RORB: variants seen among roughly 807,000 people sequenced by gnomAD.
The protein encoded by RORB is nuclear receptor ROR-beta.
RORB carries 6 observed loss-of-function variants against 59.1 expected under a neutral mutation model. The ratio of observed to expected loss-of-function variants is 0.10; its 90% CI spans 0.06 to 0.20. The LOEUF is 0.20. Ranked by LOEUF, RORB falls within the 10% of genes least tolerant of loss-of-function variation. RORB has a pLI of 1.00. For missense variants in RORB, 320 were observed against 560.5 expected, an observed-to-expected ratio of 0.57 and a Z score of 4.33; for synonymous variants, 215 against 204.5, an observed-to-expected ratio of 1.05 and a Z score of -0.44.
intron 4 of RORB, among the ~76,000 whole-genome samples, chr9:74,648,628 A>G (rs1006994383): frequency 2.0e-5 from 3 of 152,198 alleles, no homozygotes; most frequent in African/African-American, 7.2e-5. Context: ...GCTTTCACTA[A>G]GTGAAATGAC....
chr9:74,513,940 A>C (rs1825976265), intron 1 of RORB, among the ~76,000 whole-genome samples: 1 of 152,110 alleles, frequency 6.6e-6, no homozygotes, highest in Non-Finnish European at 1.5e-5. Context: ...ATGCCGTAGG[A>C]TCCACAATTT....
At chr9:74,649,247 G>A (rs11791446) in intron 4 of RORB, among the ~76,000 whole-genome samples, 6,363 of 152,128 alleles carry the variant, frequency 0.042, 148 homozygotes, top group Non-Finnish European at 0.054. Flanking sequence ...CACCATGCCC[G>A]GCAGAAGATA....
Position 74,497,711 on chromosome 9 carries a change from A to G in RORB, c.-266A>G, listed in dbSNP as rs971388589. On this transcript the variant is annotated 5_prime_UTR_variant, in exon 1 of 10. Transcript: ENST00000376896. ...AACCCAGGCACCAGACAGCCAGAACATTTTTTTTTCACCCTTCCTGAAAAC... is the reference window on the plus strand; with the variant it reads ...AACCCAGGCACCAGACAGCCAGAACGTTTTTTTTTCACCCTTCCTGAAAAC... 2.0e-6 allele frequency: 1 copy of G among 497,642 alleles called. No individual in the cohort carries two copies. The highest frequency in any genetic ancestry group is 3.6e-6 in the Non-Finnish European group (1 of 278,800). 30.8% of individuals were successfully genotyped at this position (497,642 alleles called of 1,614,324 possible).
At chr9:74,580,788 G>T (rs1822711311) in intron 1 of RORB, among the ~76,000 whole-genome samples, 1 of 152,092 alleles carries the variant, frequency 6.6e-6, no homozygotes, top group Non-Finnish European at 1.5e-5. Context: ...TTACCTTGGG[G>T]TAGCCACTGA....
chr9:74,592,718 C>T (rs1488124750), intron 1 of RORB, among the ~76,000 whole-genome samples: 2 of 152,102 alleles, frequency 1.3e-5, no homozygotes, highest in Non-Finnish European at 2.9e-5. Context: ...CCATTGTAAA[C>T]AGTCATCTTC....
chr9:74,630,447 A>G, intron 2 of RORB, 80 bp downstream of exon 2: 1 of 1,077,038 alleles, frequency 9.3e-7, no homozygotes, highest in Non-Finnish European at 1.3e-6. Flanking sequence ...ACACGTTTTT[A>G]AGGAAGGCTG....
At chr9:74,625,655 A>C (rs952875129) in intron 1 of RORB, among the ~76,000 whole-genome samples, 5 of 152,220 alleles carry the variant, frequency 3.3e-5, no homozygotes, top group Non-Finnish European at 5.9e-5. Context: ...AAGAAGGAGT[A>C]TATCAAATCT....
chr9:74,675,567 G>C (rs895549347), intron 9 of RORB, among the ~76,000 whole-genome samples: 38 of 152,094 alleles, frequency 2.5e-4, no homozygotes, highest in African/African-American at 8.9e-4. Context: ...GTACTCTTTG[G>C]ATATTTTACT....
At chr9:74,674,654 G>T (rs947552853) in intron 9 of RORB, among the ~76,000 whole-genome samples, 2 of 152,262 alleles carry the variant, frequency 1.3e-5, no homozygotes, top group South Asian at 4.1e-4. Flanking sequence ...ACCTTAGAAG[G>T]TTTGAAAATT....
At chr9:74,668,657 G>A (rs1343330157) in intron 8 of RORB, among the ~76,000 whole-genome samples, 2 of 152,124 alleles carry the variant, frequency 1.3e-5, no homozygotes, top group African/African-American at 4.8e-5. Context: ...AAAATTATAA[G>A]CAAGAGGAAA....
At chr9:74,508,567 T>G (rs1047606977) in intron 1 of RORB, among the ~76,000 whole-genome samples, 11 of 151,684 alleles carry the variant, frequency 7.3e-5, no homozygotes, top group Non-Finnish European at 1.3e-4. Flanking sequence ...TCTGACAGAG[T>G]TGTAGGTGAC....
chr9:74,623,720 C>A (rs754733729), intron 1 of RORB, among the ~76,000 whole-genome samples: 1 of 152,108 alleles, frequency 6.6e-6, no homozygotes, highest in Non-Finnish European at 1.5e-5. Context: ...CCATGATCCC[C>A]GGAGATGCCA....
chr9:74,603,463 T>C (rs1489453818), intron 1 of RORB, among the ~76,000 whole-genome samples: 1 of 152,174 alleles, frequency 6.6e-6, no homozygotes, highest in Non-Finnish European at 1.5e-5. Flanking sequence ...CTAGTCATAA[T>C]ATGAGCACAA....
chr9:74,642,816 G>A lies in RORB; in HGVS notation c.637+1G>A. On this transcript the variant is annotated splice_donor_variant, in intron 4 of 9. Transcript: ENST00000376896. LOFTEE classifies it high-confidence loss of function. ...CCAGGGATAACCATGACTGAAATCGGTAAGTGGAAGTCTCCTCCCAGTGGC... is the reference window on the plus strand; with the variant it reads ...CCAGGGATAACCATGACTGAAATCGATAAGTGGAAGTCTCCTCCCAGTGGC... 1 of 1,579,496 alleles carries A rather than the reference G, an allele frequency of 6.3e-7. No homozygotes were observed. Among genetic ancestry groups the A allele is most frequent in the Non-Finnish European group, 8.6e-7 (1 of 1,158,420 alleles).
intron 7 of RORB, among the ~76,000 whole-genome samples, chr9:74,666,499 G>A (rs1191112403): frequency 6.6e-6 from 1 of 151,122 alleles, no homozygotes; most frequent in Non-Finnish European, 1.5e-5. Context: ...ACCGGAGGCT[G>A]ATGCTAAAAG....
chr9:74,528,383 G>T (rs2118089590), intron 1 of RORB, among the ~76,000 whole-genome samples: 1 of 152,122 alleles, frequency 6.6e-6, no homozygotes, highest in East Asian at 1.9e-4. Context: ...CAAGCCTCAG[G>T]CATCAACGTC....
intron 1 of RORB, among the ~76,000 whole-genome samples, chr9:74,605,810 A>G: frequency 6.6e-6 from 1 of 152,200 alleles, no homozygotes; most frequent in East Asian, 1.9e-4. Context: ...TTAATTATGT[A>G]ATATAAGCTG....
At chr9:74,503,932 C>T (rs752148725) in intron 1 of RORB, among the ~76,000 whole-genome samples, 11 of 151,992 alleles carry the variant, frequency 7.2e-5, no homozygotes, top group East Asian at 3.8e-4. Flanking sequence ...GGTGTTATAA[C>T]GGCATTTATA....
chr9:74,631,258 G>T (rs2118418260), intron 2 of RORB, among the ~76,000 whole-genome samples: 1 of 152,318 alleles, frequency 6.6e-6, no homozygotes, highest in East Asian at 1.9e-4. Context: ...ATAGCCAGGG[G>T]AAATCAAAAC....
Sources: allele counts gnomAD v4.1 joint callset (sites outside exome capture counted in the v4.1 genomes callset), GRCh38; gene constraint gnomAD v4.1.1; transcripts MANE v1.5; gene names NCBI Gene and HGNC (gene_info 2026-07-23, HGNC 2026-07-21).